The following GON4L variants were observed in gnomAD, a reference collection of about 807,000 sequenced individuals.
GON4L encodes the protein GON-4-like protein.
Under a neutral mutation model 211.8 loss-of-function variants are expected in GON4L, and 87 were observed. That is an observed-to-expected ratio of 0.41 (90% CI 0.35 to 0.49). The LOEUF (loss-of-function observed/expected upper bound fraction) is 0.49, where lower values mean the gene tolerates loss of function less well. GON4L is among the 20% of genes least tolerant of loss of function. GON4L has a pLI of 0.15. For synonymous variants in GON4L, 875 were observed against 962.6 expected (o/e 0.91, Z 1.68); for missense variants, 2,155 against 2,659.5 (o/e 0.81, Z 4.17).
chr1:155,856,749 CA>C (rs1288701239), intron 1 of GON4L, among the ~76,000 whole-genome samples: 2 of 149,614 alleles, frequency 1.3e-5, no homozygotes, highest in South Asian at 2.1e-4. Flanking sequence ...TTACTGAGAT[CA>C]AAAAAAGGGG....
Position 155,765,304 on chromosome 1 carries a change from G to C in GON4L, c.4169C>G (p.Pro1390Arg). ...EEERSQPTKTPSSSQEPPDEG... is the reference protein window; with the variant it reads ...EEERSQPTKTRSSSQEPPDEG... ...ATCAGGGGGCTCTTGAGAAGATGAA[G>C]GGGTTTTAGTTGGCTGACTCCTCTC... The change falls in exon 21 of 32, where the codon CCT (proline) becomes CGT (arginine). Residue 1390 changes from proline to arginine, a missense_variant. Around this residue, in one of 6 missense-constraint regions of GON4L, gnomAD observed 615 missense variants for 625.7 expected, o/e 0.98. Coordinates refer to ENST00000368331, the MANE Select transcript of GON4L (RefSeq NM_001282860.2). 1 of 1,614,198 alleles carries C rather than the reference G, an allele frequency of 6.2e-7. No homozygotes were observed. The highest frequency in any genetic ancestry group is 1.3e-5 in the African/African-American group (1 of 75,050).
chr1:155,786,665 T>C lies in GON4L; in HGVS notation c.1748-1291A>G, dbSNP rs60243295. ...ACATACCTAACACATCTGTAGATGA[T>C]GTAAAGCTGAAAGGGACTGCCAATC... On this transcript the variant is annotated intron_variant, in intron 12 of 31. Transcript: ENST00000368331. 5.6e-3 allele frequency among the ~76,000 whole-genome samples: 855 copies of C among 152,324 alleles called. 7 individuals carry two copies. The highest frequency in any genetic ancestry group is 0.019 in the African/African-American group (808 of 41,568).
At chr1:155,787,618 C>T (rs185937833) in intron 12 of GON4L, among the ~76,000 whole-genome samples, 111 of 152,142 alleles carry the variant, frequency 7.3e-4, no homozygotes, top group African/African-American at 2.6e-3. Flanking sequence ...ACTAAAAATA[C>T]AAAAATTAGC....
chr1:155,758,291 G>C (rs1305571907), intron 24 of GON4L, among the ~76,000 whole-genome samples: 2 of 152,218 alleles, frequency 1.3e-5, no homozygotes, highest in African/African-American at 2.4e-5. Context: ...GTTGTTTGCT[G>C]TTTTAAGGAT....
intron 2 of GON4L, among the ~76,000 whole-genome samples, chr1:155,829,856 G>A (rs1374385532): frequency 6.6e-6 from 1 of 151,946 alleles, no homozygotes; most frequent in African/African-American, 2.4e-5. Flanking sequence ...TGGAGTCAGA[G>A]GGGAAAAAAA....
At chr1:155,793,291 T>C (rs1571764786) in intron 12 of GON4L, among the ~76,000 whole-genome samples, 1 of 152,316 alleles carries the variant, frequency 6.6e-6, no homozygotes, top group East Asian at 1.9e-4. Context: ...TATTCTAATC[T>C]TAAAAGCAAG....
At position 155,815,947 on chromosome 1, in the gene GON4L, T is replaced by C. The variant is rs755168468; in HGVS notation, c.1066-47A>G. 2.7e-6 allele frequency: 3 copies of C among 1,124,060 alleles called. No individual in the cohort carries two copies. In the South Asian group the frequency reaches 3.7e-5, roughly 14 times the overall value. 69.6% of individuals were successfully genotyped at this position (1,124,060 alleles called of 1,614,324 possible). On this transcript the variant is annotated intron_variant, in intron 7 of 31. Transcript: ENST00000368331. ...GAAATGAAGTAATGGGAAACACAAATCATACGTATTTGGAAAATAAGGGGA... is the reference window on the plus strand; with the variant it reads ...GAAATGAAGTAATGGGAAACACAAACCATACGTATTTGGAAAATAAGGGGA...
chr1:155,752,303 T>C lies in GON4L; in HGVS notation c.6130A>G (p.Thr2044Ala), dbSNP rs779553331. 46 of 1,586,934 alleles carry C rather than the reference T, an allele frequency of 2.9e-5. No individual in the cohort carries two copies. Among genetic ancestry groups the C allele is most frequent in the Non-Finnish European group, 4.0e-5 (46 of 1,156,050 alleles). The change falls in exon 30 of 32, where the codon ACC (threonine) becomes GCC (alanine). Residue 2044 changes from threonine (T) to alanine (A), a missense_variant. By Grantham distance (58) the Thr-to-Ala change is moderately conservative. Around this residue, in one of 6 missense-constraint regions of GON4L, gnomAD observed 186 missense variants for 308.1 expected, o/e 0.60. Coordinates refer to ENST00000368331, the MANE Select transcript of GON4L (RefSeq NM_001282860.2). Reference protein sequence around the residue: ...DASETEKLPGTVEPPASFLSP... With the variant: ...DASETEKLPGAVEPPASFLSP... Reference sequence around the variant, plus strand: ...AGGAAGGAAGCAGGGGGTTCCACGGTACCAGGCAATTTCTCAGTTTCTGAT... The same window carrying C: ...AGGAAGGAAGCAGGGGGTTCCACGGCACCAGGCAATTTCTCAGTTTCTGAT...
In GON4L at chr1:155,853,499, A is replaced by G. The variant is rs756596116; in HGVS notation, c.282T>C (p.Gly94=). Residue 94 remains glycine, a synonymous_variant, in exon 2 of 32, where the codon GGT becomes GGC. Transcript: ENST00000368331. The part of the protein sequence containing the change: ...TQNTNVPILE[G]VDVAISQGIT... Reference sequence around the variant, plus strand: ...TTCCCTGAGAGATGGCCACATCAACACCTTCTAGAATTGGTACATTTGTGT... The same window carrying G: ...TTCCCTGAGAGATGGCCACATCAACGCCTTCTAGAATTGGTACATTTGTGT... The G allele has an allele frequency of 6.2e-7, 1 of 1,614,052 alleles. No individual in the cohort carries two copies. The highest frequency in any genetic ancestry group is 8.5e-7 in the Non-Finnish European group (1 of 1,180,014).
intron 27 of GON4L, chr1:155,756,751 TC>T: frequency 3.9e-6 from 2 of 515,134 alleles, no homozygotes; most frequent in Non-Finnish European, 7.0e-6. Context: ...ATAGTGAAAA[TC>T]CATCTCTACT....
chr1:155,753,157 G>T, intron 29 of GON4L, 47 bp downstream of exon 29: 1 of 1,413,070 alleles, frequency 7.1e-7, no homozygotes, highest in Non-Finnish European at 1.0e-6. Flanking sequence ...TGGAGTACAG[G>T]ATAACGAGAC....
At chr1:155,817,544 T>C (rs1024386288) in intron 6 of GON4L, among the ~76,000 whole-genome samples, 1 of 152,160 alleles carries the variant, frequency 6.6e-6, no homozygotes, top group African/African-American at 2.4e-5. Context: ...TTCAGGCCCA[T>C]TTCCCTTTCC....
intron 2 of GON4L, chr1:155,846,677 G>C (rs576382452): frequency 6.6e-6 from 1 of 151,998 alleles, no homozygotes; most frequent in South Asian, 2.1e-4. Context: ...CTAAACCAGC[G>C]TGCTACTGGG....
chr1:155,844,166 T>C (rs1261408726), intron 2 of GON4L, among the ~76,000 whole-genome samples: 1 of 152,136 alleles, frequency 6.6e-6, no homozygotes. Context: ...CACAAGTCAA[T>C]GCTAAGAAAC....
intron 10 of GON4L, among the ~76,000 whole-genome samples, chr1:155,806,731 T>C (rs571533408): frequency 3.3e-5 from 5 of 152,280 alleles, no homozygotes; most frequent in South Asian, 2.1e-4. Context: ...TAATATCCCA[T>C]TGTATAGATA....
chr1:155,824,520 G>A (rs1012981029), intron 3 of GON4L, among the ~76,000 whole-genome samples: 1 of 145,960 alleles, frequency 6.9e-6, no homozygotes, highest in Non-Finnish European at 1.5e-5. Flanking sequence ...TGAGGCAGGC[G>A]GATCATGAGG....
chr1:155,853,597 G>GT lies in GON4L; in HGVS notation c.183dup (p.Gln62ThrfsTer35). The GT allele has an allele frequency of 1.2e-6, 2 of 1,614,084 alleles. No homozygotes were observed. The highest frequency in any genetic ancestry group is 1.7e-6 in the Non-Finnish European group (2 of 1,179,946). ...TGATTTCCTGCATCCTGCAAAGACTGTACTTCGAAGCCAGCTACTCTGCCA... is the reference window on the plus strand; with the variant it reads ...TGATTTCCTGCATCCTGCAAAGACTGTTACTTCGAAGCCAGCTACTCTGCCA... On this transcript the variant is annotated frameshift_variant, in exon 2 of 32. Coordinates refer to ENST00000368331, the MANE Select transcript of GON4L (RefSeq NM_001282860.2). LOFTEE classifies it high-confidence loss of function.
intron 2 of GON4L, among the ~76,000 whole-genome samples, chr1:155,846,863 T>C (rs950059949): frequency 3.3e-5 from 5 of 151,608 alleles, no homozygotes; most frequent in African/African-American, 4.8e-5. Flanking sequence ...ATACAAAAAT[T>C]AGCTTGGCAT....
intron 2 of GON4L, among the ~76,000 whole-genome samples, chr1:155,849,143 CAAAAAAAAAAAAAAAA>C (rs764161223): frequency 5.0e-5 from 6 of 120,082 alleles, no homozygotes; most frequent in Admixed American, 1.7e-4. Context: ...GACTCCATCT[CAAAAAAAAAAAAAAAA>C]AAAAAAAAAA....
Sources: gnomAD v4.1 joint callset for allele counts (sites outside exome capture counted in the v4.1 genomes callset) on GRCh38, gnomAD v4.1.1 for gene constraint, gnomAD v4.1.1 regional missense constraint, MANE v1.5 for transcripts, NCBI Gene and HGNC (gene_info 2026-07-23, HGNC 2026-07-21) for gene names.